The following GPR161 variants were observed in gnomAD, a reference collection of about 807,000 sequenced individuals.
GPR161 encodes the protein G-protein coupled receptor RE2.
GPR161 carries 25 observed loss-of-function variants against 39.2 expected under a neutral mutation model. The ratio of observed to expected loss-of-function variants is 0.64; its 90% CI spans 0.47 to 0.89. GPR161 has a LOEUF of 0.89. Among genes scored for constraint, GPR161 ranks in the 40% least tolerant of loss-of-function variants. GPR161 has a pLI of 0.00. For synonymous variants in GPR161, 286 were observed against 276.6 expected (o/e 1.03, Z -0.34); for missense variants, 547 against 677.8 (o/e 0.81, Z 2.14).
chr1:168,092,638 G>A (rs894972665), intron 3 of GPR161, among the ~76,000 whole-genome samples: 1 of 152,196 alleles, frequency 6.6e-6, no homozygotes, highest in Non-Finnish European at 1.5e-5. Flanking sequence ...AGTGCTCTGA[G>A]AAGCTGAAAG....
intron 1 of GPR161, chr1:168,136,163 G>C (rs1407132382): frequency 6.3e-6 from 8 of 1,267,156 alleles, no homozygotes; most frequent in Non-Finnish European, 8.0e-6. Flanking sequence ...CCGCCCATCC[G>C]GCGGCGCCGG....
At position 168,082,925 on chromosome 1, in the gene GPR161, T is replaced by C. The variant is rs567270310; in HGVS notation, c.*2606A>G. 2 of 152,336 alleles carry C rather than the reference T, an allele frequency of 1.3e-5. No homozygotes were observed. The highest frequency in any genetic ancestry group is 4.2e-4 in the South Asian group (2 of 4,816). 9.4% of individuals were successfully genotyped at this position (152,336 alleles called of 1,614,324 possible). On this transcript the variant is annotated 3_prime_UTR_variant, in exon 6 of 6. Coordinates refer to ENST00000682931, the MANE Select transcript of GPR161 (RefSeq NM_001375883.1). ...CCTTCTCTCTTTCTCTCTAGCTGAA[T>C]AAAGGCAAATTTGAATTCCTGAATA...
chr1:168,119,261 T>TATATAC (rs1558130072), intron 1 of GPR161, among the ~76,000 whole-genome samples: 3 of 123,710 alleles, frequency 2.4e-5, no homozygotes, highest in African/African-American at 1.1e-4. Flanking sequence ...TATATACGTA[T>TATATAC]ATATATGTGT....
chr1:168,090,487 AGGGGAAACGCGACACG>A (rs970877948), intron 4 of GPR161, 61 bp downstream of exon 4: 16 of 795,602 alleles, frequency 2.0e-5, no homozygotes, highest in South Asian at 6.7e-5. Flanking sequence ...GAGCCTGCAC[AGGGGAAACGCGACACG>A]GGGGAAACGC....
chr1:168,108,486 TAAAAAAAAAAA>T lies in GPR161; in HGVS notation c.-44-3603_-44-3593del, dbSNP rs10670498. On this transcript the variant is annotated intron_variant, in intron 1 of 5. Transcript: ENST00000682931. ...ATTTTATCCACTGAGGCCCTAGTTG[TAAAAAAAAAAA>T]AAAAAAAAAAAAAAACTGGAAATAA... Among the ~76,000 whole-genome samples the T allele has an allele frequency of 1.8e-3, 31 of 17,474 alleles. 1 individual carries two copies. The highest frequency in any genetic ancestry group is 3.9e-3 in the African/African-American group (14 of 3,580). 11.5% of individuals were successfully genotyped at this position (17,474 alleles called of 152,430 possible).
Position 168,085,603 on chromosome 1 carries a change from T to C in GPR161, c.1518A>G (p.Arg506=), listed in dbSNP as rs1694402783. The change falls in exon 6 of 6, where the codon AGA becomes AGG. Residue 506 remains arginine, a synonymous_variant. Transcript: ENST00000682931. The part of the protein sequence containing the change: ...GGGFGGRRGS[R]TLVSQRLQLQ... The stretch of plus-strand genomic sequence containing the variant: ...ACTGCAGCCTCTGGCTCACAAGAGT[T>C]CTGCTGCCTCGGCGGCCCCCGAAGC... The C allele has an allele frequency of 6.2e-7, 1 of 1,613,994 alleles. No homozygotes were observed. The highest frequency in any genetic ancestry group is 8.5e-7 in the Non-Finnish European group (1 of 1,180,028).
rs1410215335 is a variant in GPR161 at position 168,098,252 on chromosome 1, G to A, written c.375-1020C>T. On this transcript the variant is annotated intron_variant, in intron 2 of 5. Coordinates refer to ENST00000682931, the MANE Select transcript of GPR161 (RefSeq NM_001375883.1). The surrounding 1 kb of genome is among the most constrained non-coding windows in gnomAD (Gnocchi z 4.1). ...AGCTCCACCTGGCAGGAGAGAGAGT[G>A]CAGGATGGAGAGAGGAGGAGAGAAG... is the stretch of plus-strand genomic sequence containing the variant. 6.6e-6 allele frequency among the ~76,000 whole-genome samples: 1 copy of A among 152,200 alleles called. No homozygotes were observed. The highest frequency in any genetic ancestry group is 2.4e-5 in the African/African-American group (1 of 41,446).
At position 168,127,343 on chromosome 1, in the gene GPR161, G is replaced by A. The variant is rs138978315; in HGVS notation, c.-45+9396C>T. On this transcript the variant is annotated intron_variant, in intron 1 of 5. Coordinates refer to ENST00000682931, the MANE Select transcript of GPR161 (RefSeq NM_001375883.1). ...CTATTAAAAATACAAAAATTAGCCAGGCATGATGGTGGGCACCTGTAATCC... is the reference window on the plus strand; with the variant it reads ...CTATTAAAAATACAAAAATTAGCCAAGCATGATGGTGGGCACCTGTAATCC... Among the ~76,000 whole-genome samples, 4 of 152,098 alleles carry A rather than the reference G, an allele frequency of 2.6e-5. No individual in the cohort carries two copies. In the East Asian group the frequency reaches 7.8e-4, roughly 29 times the overall value.
intron 1 of GPR161, among the ~76,000 whole-genome samples, chr1:168,118,405 G>GTA (rs200858340): frequency 0.011 from 1,721 of 152,246 alleles, 32 homozygotes; most frequent in African/African-American, 0.04. Flanking sequence ...GTATACACAG[G>GTA]GACACAGAGT....
At chr1:168,135,796 T>C (rs1007101055) in intron 1 of GPR161, among the ~76,000 whole-genome samples, 1 of 152,232 alleles carries the variant, frequency 6.6e-6, no homozygotes, top group Admixed American at 6.5e-5. Flanking sequence ...ATCAAGGAAC[T>C]GAGGTTCTTT....
chr1:168,123,695 C>T (rs1158740646), intron 1 of GPR161, among the ~76,000 whole-genome samples: 1 of 152,094 alleles, frequency 6.6e-6, no homozygotes, highest in Non-Finnish European at 1.5e-5. Context: ...TTCTCCTTTC[C>T]CTTTCTCCTG....
At chr1:168,118,065 C>T (rs533928155) in intron 1 of GPR161, among the ~76,000 whole-genome samples, 12 of 152,076 alleles carry the variant, frequency 7.9e-5, no homozygotes, top group South Asian at 2.1e-4. Context: ...CACAGATGAC[C>T]CTGGATTTGG....
intron 2 of GPR161, among the ~76,000 whole-genome samples, chr1:168,099,837 G>T (rs56366501): frequency 0.021 from 1,665 of 78,120 alleles, 24 homozygotes; most frequent in Non-Finnish European, 0.025. Context: ...TTTTTTTTTT[G>T]GGGGGGGGGG....
At chr1:168,103,681 T>C (rs1054215899) in intron 2 of GPR161, among the ~76,000 whole-genome samples, 5 of 152,168 alleles carry the variant, frequency 3.3e-5, no homozygotes, top group African/African-American at 9.7e-5. Flanking sequence ...ACCCCACTAC[T>C]TACTCTCCTC....
In GPR161 at chr1:168,084,462, T is replaced by G. The variant is rs565880569; in HGVS notation, c.*1069A>C. On this transcript the variant is annotated 3_prime_UTR_variant, in exon 6 of 6. Transcript: ENST00000682931. ...CTAGAAAGGTGACAAGATGTCCAAA[T>G]GACATGTGCACACAAAGACAGAGCT... 5 of 286,562 alleles carry G rather than the reference T, an allele frequency of 1.7e-5. No individual in the cohort carries two copies. Among genetic ancestry groups the G allele is most frequent in the Admixed American group, 1.5e-4 (3 of 19,708 alleles). The allele number at this position is 286,562 out of a possible 1,614,324, so 17.8% of individuals were successfully genotyped here. A position where few individuals can be genotyped will look rare whatever the true frequency, so the allele number is the denominator to read the frequency against.
At chr1:168,136,260 G>T in intron 1 of GPR161, 2 of 1,411,758 alleles carry the variant, frequency 1.4e-6, no homozygotes, top group South Asian at 3.0e-5. Context: ...TGCTCACCTG[G>T]TCCTCACGGA....
In GPR161 at chr1:168,087,634, G is replaced by T; in HGVS notation, c.1275C>A (p.Pro425=). The part of the protein sequence containing the change: ...DNPPSHCTCP[P]KRRSSVTFED... Reference sequence around the variant, plus strand: ...CAAATGTCACCGAGCTCCTTCTCTTGGGTGGGCAAGTGCAGTGAGAGGGAG... The same window carrying T: ...CAAATGTCACCGAGCTCCTTCTCTTTGGTGGGCAAGTGCAGTGAGAGGGAG... Residue 425 remains proline (P), a synonymous_variant, in exon 5 of 6, where the codon CCC becomes CCA. Coordinates refer to ENST00000682931, the MANE Select transcript of GPR161 (RefSeq NM_001375883.1). 2 of 1,613,974 alleles carry T rather than the reference G, an allele frequency of 1.2e-6. No individual in the cohort carries two copies. The highest frequency in any genetic ancestry group is 2.2e-5 in the South Asian group (2 of 91,072).
At chr1:168,134,199 CA>C (rs1378788094) in intron 1 of GPR161, among the ~76,000 whole-genome samples, 1 of 152,156 alleles carries the variant, frequency 6.6e-6, no homozygotes, top group African/African-American at 2.4e-5. Context: ...AAAACAAACA[CA>C]AACTAAAATA....
chr1:168,096,469 T>A, intron 3 of GPR161, 39 bp downstream of exon 3: 2 of 1,582,590 alleles, frequency 1.3e-6, no homozygotes, highest in Non-Finnish European at 1.7e-6. Context: ...ACAGATTTCA[T>A]CTGCCTCGGA....
Sources: gnomAD v4.1 joint callset for allele counts (sites outside exome capture counted in the v4.1 genomes callset) on GRCh38, gnomAD v4.1.1 for gene constraint, Gnocchi (gnomAD v3.1) non-coding constraint, MANE v1.5 for transcripts, NCBI Gene and HGNC (gene_info 2026-07-23, HGNC 2026-07-21) for gene names.